Variants in SGPP1 observed in about 807,000 individuals in gnomAD.
SGPP1 encodes the protein sphingosine-1-phosphate phosphatase 1.
In SGPP1, 21 loss-of-function variants were observed where a neutral mutation model predicts 33.0. The observed-to-expected ratio is 0.64, with a 90% CI of 0.45 to 0.92. The LOEUF is 0.92. Among genes scored for constraint, SGPP1 ranks in the 40% least tolerant of loss-of-function variants. The pLI, the probability that SGPP1 is intolerant of heterozygous loss-of-function variation, is 0.00. For missense variants in SGPP1, 543 were observed against 589.4 expected (o/e 0.92, Z 0.81); for synonymous variants, 239 against 241.2 (o/e 0.99, Z 0.08).
At chr14:63,707,980 C>T (rs535481489) in intron 1 of SGPP1, among the ~76,000 whole-genome samples, 2 of 152,090 alleles carry the variant, frequency 1.3e-5, no homozygotes, top group Non-Finnish European at 1.5e-5. Context: ...TTTCAAAATG[C>T]AAAACGCATT....
intron 1 of SGPP1, among the ~76,000 whole-genome samples, chr14:63,708,146 G>C (rs1302413372): frequency 6.6e-6 from 1 of 151,198 alleles, no homozygotes; most frequent in Non-Finnish European, 1.5e-5. Context: ...TCTTGTTTCT[G>C]ATACATATTT....
At chr14:63,722,387 C>T (rs968644110) in intron 1 of SGPP1, among the ~76,000 whole-genome samples, 32 of 149,322 alleles carry the variant, frequency 2.1e-4, no homozygotes, top group African/African-American at 5.4e-4. Context: ...AAAAATTAGC[C>T]GGGCGTGGTG....
intron 1 of SGPP1, among the ~76,000 whole-genome samples, chr14:63,715,906 G>A (rs554096031): frequency 1.3e-5 from 2 of 152,232 alleles, no homozygotes; most frequent in Admixed American, 6.5e-5. Context: ...CAGTGAAGAG[G>A]GAATTGGGTA....
At chr14:63,699,550 T>G (rs909074286) in intron 1 of SGPP1, among the ~76,000 whole-genome samples, 21 of 152,016 alleles carry the variant, frequency 1.4e-4, no homozygotes, top group Middle Eastern at 3.4e-3. Context: ...AAATTGTTGG[T>G]TTTTGGTGGT....
chr14:63,717,574 G>A (rs769662518), intron 1 of SGPP1, among the ~76,000 whole-genome samples: 10 of 152,028 alleles, frequency 6.6e-5, no homozygotes, highest in East Asian at 5.8e-4. Flanking sequence ...CGCCAGCCTC[G>A]GCCTCCCAAA....
intron 2 of SGPP1, among the ~76,000 whole-genome samples, chr14:63,686,899 A>G (rs1884992367): frequency 6.6e-6 from 1 of 152,190 alleles, no homozygotes; most frequent in Non-Finnish European, 1.5e-5. Context: ...TAATATCCAC[A>G]AATTTACATT....
intron 1 of SGPP1, among the ~76,000 whole-genome samples, chr14:63,716,440 G>T (rs938605914): frequency 6.6e-6 from 1 of 151,950 alleles, no homozygotes; most frequent in Non-Finnish European, 1.5e-5. Flanking sequence ...GTTGCAGTGA[G>T]CCAATATCAC....
At position 63,727,265 on chromosome 14, in the gene SGPP1, C is replaced by G; in HGVS notation, c.680G>C (p.Trp227Ser). The G allele has an allele frequency of 6.2e-7, 1 of 1,607,458 alleles. No individual in the cohort carries two copies. Among genetic ancestry groups the G allele is most frequent in the Middle Eastern group, 1.7e-4 (1 of 6,044 alleles). Reference protein sequence around the residue: ...ISMVLLTYGRWQYPLIYGLIL... With the variant: ...ISMVLLTYGRSQYPLIYGLIL... The stretch of plus-strand genomic sequence containing the variant: ...CAGGACGAGAAGGAACCCTACCTGC[C>G]AGCGGCCATAGGTGAGGAGGACCAT... Residue 227 changes from tryptophan (W) to serine (S), a missense_variant, in exon 1 of 3, where the codon TGG becomes TCG. Transcript: ENST00000247225.
At chr14:63,700,164 T>C (rs954563731) in intron 1 of SGPP1, among the ~76,000 whole-genome samples, 3 of 152,152 alleles carry the variant, frequency 2.0e-5, no homozygotes, top group Non-Finnish European at 4.4e-5. Flanking sequence ...CGCAAAGTGC[T>C]AAGATTACAG....
At chr14:63,688,847 G>A (rs910281645) in intron 2 of SGPP1, among the ~76,000 whole-genome samples, 13 of 150,810 alleles carry the variant, frequency 8.6e-5, no homozygotes, top group African/African-American at 2.7e-4. Flanking sequence ...TCGGCCTCCC[G>A]AGTAGCTGGG....
rs752165035 is a variant in SGPP1, at chr14:63,686,485, G to T, written c.946C>A (p.Arg316=). 1.2e-5 allele frequency: 20 copies of T among 1,613,998 alleles called. No homozygotes were observed. Among genetic ancestry groups the T allele is most frequent in the Non-Finnish European group, 1.5e-5 (18 of 1,179,994 alleles). Reference sequence around the variant, plus strand: ...CCTAGTATCTCGGCTGTGTCTCCTCGGGATGTGCTCCAGGTGTCAAGAGTG... The same window carrying T: ...CCTAGTATCTCGGCTGTGTCTCCTCTGGATGTGCTCCAGGTGTCAAGAGTG... The part of the protein sequence containing the change: ...SFTLDTWSTS[R]GDTAEILGSG... Residue 316 remains arginine (R), a synonymous_variant, in exon 3 of 3, where the codon CGA becomes AGA. Coordinates refer to ENST00000247225, the MANE Select transcript of SGPP1 (RefSeq NM_030791.4).
At chr14:63,726,527 A>G (rs549970549) in intron 1 of SGPP1, among the ~76,000 whole-genome samples, 1 of 152,252 alleles carries the variant, frequency 6.6e-6, no homozygotes, top group African/African-American at 2.4e-5. Context: ...AGTTTGATCA[A>G]GAGCCCTATC....
chr14:63,708,972 C>A (rs1885471207), intron 1 of SGPP1, among the ~76,000 whole-genome samples: 1 of 152,148 alleles, frequency 6.6e-6, no homozygotes, highest in East Asian at 1.9e-4. Context: ...TGTTTAATTT[C>A]TTTTATCCTT....
chr14:63,723,309 T>C (rs1885813990), intron 1 of SGPP1, among the ~76,000 whole-genome samples: 1 of 152,174 alleles, frequency 6.6e-6, no homozygotes, highest in Non-Finnish European at 1.5e-5. Flanking sequence ...ATTTAATCCT[T>C]GGGAAAAGGT....
At chr14:63,708,251 C>CTTTTT (rs36105615) in intron 1 of SGPP1, among the ~76,000 whole-genome samples, 24 of 97,902 alleles carry the variant, frequency 2.5e-4, no homozygotes, top group Middle Eastern at 6.0e-3. Context: ...AGCAGCAATC[C>CTTTTT]TTTTTTTTTT....
chr14:63,718,979 T>TATATATATATATAC (rs1885690441), intron 1 of SGPP1, among the ~76,000 whole-genome samples: 1 of 9,600 alleles, frequency 1.0e-4, no homozygotes, highest in Non-Finnish European at 1.8e-4. Context: ...TGTATATACA[T>TATATATATATATAC]ATATATATAT....
Position 63,686,239 on chromosome 14 carries a change from G to A in SGPP1, c.1192C>T (p.Pro398Ser). The A allele has an allele frequency of 6.2e-7, 1 of 1,614,040 alleles. No individual in the cohort carries two copies. Among genetic ancestry groups the A allele is most frequent in the Non-Finnish European group, 8.5e-7 (1 of 1,179,984 alleles). The stretch of plus-strand genomic sequence containing the variant: ...CTTGCTTTTCGAATATCATCACACG[G>A]TATATTGAAGATTTTGCAGGCTAAA... The part of the protein sequence containing the change: ...IPLACKIFNI[P>S]CDDIRKARQH... Residue 398 changes from proline to serine, a missense_variant, in exon 3 of 3, where the codon CCG (proline) becomes TCG (serine). Coordinates refer to ENST00000247225, the MANE Select transcript of SGPP1 (RefSeq NM_030791.4).
intron 2 of SGPP1, among the ~76,000 whole-genome samples, chr14:63,693,087 C>T (rs939178076): frequency 2.6e-5 from 4 of 152,142 alleles, no homozygotes; most frequent in African/African-American, 9.7e-5. Flanking sequence ...CACCACCACA[C>T]CTGGCTAACT....
At position 63,686,628 on chromosome 14, in the gene SGPP1, A is replaced by T; in HGVS notation, c.803T>A (p.Ile268Asn). The T allele has an allele frequency of 6.2e-7, 1 of 1,612,404 alleles. No homozygotes were observed. The highest frequency in any genetic ancestry group is 2.2e-5 in the East Asian group (1 of 44,892). Residue 268 changes from isoleucine (I) to asparagine (N), a missense_variant, in exon 3 of 3, where the codon ATT (isoleucine) becomes AAT (asparagine). By Grantham distance (149) the Ile-to-Asn change is moderately radical. Transcript: ENST00000247225. ...LDIIAGFLYT[I>N]LILAVFYPFV... is the part of the protein sequence containing the mutation. Reference sequence around the variant, plus strand: ...TGGATAGAAGACAGCTAAGATTAAAATGGTATATAGGAATCCAGCAATAAT... The same window carrying T: ...TGGATAGAAGACAGCTAAGATTAAATTGGTATATAGGAATCCAGCAATAAT...
Sources: gnomAD v4.1 joint callset for allele counts (sites outside exome capture counted in the v4.1 genomes callset) on GRCh38, gnomAD v4.1.1 for gene constraint, MANE v1.5 for transcripts, NCBI Gene and HGNC (gene_info 2026-07-23, HGNC 2026-07-21) for gene names.